GOLM2: variants seen among roughly 807,000 people sequenced by gnomAD.
GOLM2 encodes golgi membrane protein 2.
Under a neutral mutation model 55.9 loss-of-function variants are expected in GOLM2, and 26 were observed. The observed-to-expected ratio is 0.47, with a 90% CI of 0.34 to 0.65. The LOEUF (loss-of-function observed/expected upper bound fraction) is 0.65, where lower values mean the gene tolerates loss of function less well. Among genes scored for constraint, GOLM2 ranks in the 30% least tolerant of loss-of-function variants. GOLM2 has a pLI of 0.01. For synonymous variants in GOLM2, 165 were observed against 194.6 expected (o/e 0.85, Z 1.27); for missense variants, 486 against 531.8 (o/e 0.91, Z 0.85).
intron 6 of GOLM2, among the ~76,000 whole-genome samples, chr15:44,339,904 C>A (rs1188751929): frequency 6.6e-6 from 1 of 152,022 alleles, no homozygotes; most frequent in African/African-American, 2.4e-5. Context: ...ACTGCAGCCT[C>A]GATCTCCCGG....
chr15:44,350,094 A>G (rs1327250408), intron 6 of GOLM2, among the ~76,000 whole-genome samples: 1 of 152,200 alleles, frequency 6.6e-6, no homozygotes, highest in Non-Finnish European at 1.5e-5. Flanking sequence ...CTAGAAAAGC[A>G]AGAGTAAACC....
chr15:44,330,208 TAAAAA>T (rs746756627), intron 3 of GOLM2, among the ~76,000 whole-genome samples: 3 of 81,480 alleles, frequency 3.7e-5, no homozygotes, highest in South Asian at 8.7e-4. Context: ...CTTGTCTCTT[TAAAAA>T]AAAAAAAAAA....
intron 9 of GOLM2, among the ~76,000 whole-genome samples, chr15:44,405,666 G>T (rs1232556051): frequency 6.6e-6 from 1 of 151,918 alleles, no homozygotes; most frequent in Non-Finnish European, 1.5e-5. Context: ...TCTCACCCAG[G>T]CTAGAGTGCA....
At position 44,403,046 on chromosome 15, in the gene GOLM2, A is replaced by T; in HGVS notation, c.1232A>T (p.Asp411Val). The T allele has an allele frequency of 6.2e-7, 1 of 1,614,118 alleles. No homozygotes were observed. Among genetic ancestry groups the T allele is most frequent in the Non-Finnish European group, 8.5e-7 (1 of 1,180,014 alleles). ...GAAGATGGTGATGGTGGAGAGGAAG[A>T]CGTCCAAGGTGAGCGTGGGCCTGGC... ...EEEDGDGGEE[D>V]VQDDEERELQ... The change falls in exon 9 of 10, where the codon GAC becomes GTC. Residue 411 changes from aspartate to valine, a missense_variant. Asp to Val is a radical substitution (Grantham distance 152). Transcript: ENST00000299957.
At chr15:44,383,096 T>TA (rs1203342799) in intron 8 of GOLM2, among the ~76,000 whole-genome samples, 2 of 150,890 alleles carry the variant, frequency 1.3e-5, no homozygotes, top group Non-Finnish European at 3.0e-5. Flanking sequence ...TTTATTAATA[T>TA]ATACACATAT....
intron 6 of GOLM2, among the ~76,000 whole-genome samples, chr15:44,340,906 T>C (rs2079086438): frequency 6.6e-6 from 1 of 152,186 alleles, no homozygotes; most frequent in Non-Finnish European, 1.5e-5. Flanking sequence ...CCCAAAGTTT[T>C]GTCAAGGACA....
intron 3 of GOLM2, among the ~76,000 whole-genome samples, chr15:44,329,624 A>G (rs2079008181): frequency 6.6e-6 from 1 of 152,184 alleles, no homozygotes; most frequent in Admixed American, 6.5e-5. Flanking sequence ...AGGCTAGGTT[A>G]TGGTGGTTCA....
chr15:44,312,234 AG>A (rs1381186717), intron 1 of GOLM2, among the ~76,000 whole-genome samples: 2 of 152,172 alleles, frequency 1.3e-5, no homozygotes, highest in Non-Finnish European at 2.9e-5. Flanking sequence ...TCATATAACC[AG>A]ATTTGCAGGA....
chr15:44,349,243 G>A, intron 6 of GOLM2, among the ~76,000 whole-genome samples: 1 of 137,620 alleles, frequency 7.3e-6, no homozygotes, highest in Admixed American at 7.6e-5. Flanking sequence ...TGGGCAACAA[G>A]AGTGAAACTC....
At chr15:44,369,751 G>A (rs1484582141) in intron 6 of GOLM2, among the ~76,000 whole-genome samples, 1 of 149,580 alleles carries the variant, frequency 6.7e-6, no homozygotes, top group African/African-American at 2.5e-5. Flanking sequence ...AGTTTATTAA[G>A]TATTAATAAA....
At position 44,336,180 on chromosome 15, in the gene GOLM2, C is replaced by T. The variant is rs558533653; in HGVS notation, c.577-1583C>T. On this transcript the variant is annotated intron_variant, in intron 4 of 9. Transcript: ENST00000299957. ...TGCCCAGGCTGGAGTGCAGTGGTGC[C>T]ATCTTGGCTCACTGCAAGCTCCGCC... Among the ~76,000 whole-genome samples, 23 of 146,566 alleles carry T rather than the reference C, an allele frequency of 1.6e-4. No individual in the cohort carries two copies. The South Asian group carries it at 5.0e-3, about 32-fold the overall frequency.
intron 8 of GOLM2, among the ~76,000 whole-genome samples, chr15:44,391,642 G>T (rs914456089): frequency 2.0e-5 from 3 of 151,182 alleles, no homozygotes; most frequent in Admixed American, 2.0e-4. Flanking sequence ...TAATATTAAA[G>T]GACACATGAT....
rs572248999 is a variant in GOLM2 at position 44,380,636 on chromosome 15, A to G, written c.902-170A>G. On this transcript the variant is annotated intron_variant, in intron 7 of 9. Transcript: ENST00000299957. Reference sequence around the variant, plus strand: ...CAGCTAAAATCACATTGGTTATAATACTTGATTAAAGAAATGAGAATAAAC... The same window carrying G: ...CAGCTAAAATCACATTGGTTATAATGCTTGATTAAAGAAATGAGAATAAAC... Among the ~76,000 whole-genome samples the G allele has an allele frequency of 2.9e-3, 444 of 151,918 alleles. 2 individuals carry two copies. The highest frequency in any genetic ancestry group is 0.01 in the Middle Eastern group (3 of 294).
At chr15:44,384,360 CT>C (rs1482807186) in intron 8 of GOLM2, among the ~76,000 whole-genome samples, 1 of 152,122 alleles carries the variant, frequency 6.6e-6, no homozygotes, top group Non-Finnish European at 1.5e-5. Context: ...TGCCTGTAAT[CT>C]CAGTACTTTG....
At chr15:44,336,401 G>A (rs1450691196) in intron 4 of GOLM2, among the ~76,000 whole-genome samples, 9 of 148,800 alleles carry the variant, frequency 6.0e-5, no homozygotes, top group East Asian at 4.1e-4. Context: ...ACAGGCATGA[G>A]CCGCCGTGCC....
At chr15:44,392,772 A>G (rs1323283658) in intron 8 of GOLM2, among the ~76,000 whole-genome samples, 1 of 152,238 alleles carries the variant, frequency 6.6e-6, no homozygotes, top group African/African-American at 2.4e-5. Flanking sequence ...TACCACATTA[A>G]CAAAATATAT....
intron 2 of GOLM2, among the ~76,000 whole-genome samples, chr15:44,325,799 G>A (rs535150100): frequency 1.3e-5 from 2 of 152,220 alleles, no homozygotes; most frequent in South Asian, 4.1e-4. Flanking sequence ...CATAGCTGGG[G>A]CCAGGGTTTC....
chr15:44,375,860 C>T (rs556991475), intron 6 of GOLM2, among the ~76,000 whole-genome samples: 29 of 152,266 alleles, frequency 1.9e-4, no homozygotes, highest in Admixed American at 1.4e-3. Flanking sequence ...AGGGAGGGTT[C>T]ATTAAATTTG....
At chr15:44,366,646 T>A in intron 6 of GOLM2, among the ~76,000 whole-genome samples, 1 of 151,872 alleles carries the variant, frequency 6.6e-6, no homozygotes. Flanking sequence ...AAATAAAAAT[T>A]AAAATTAAAG....
Sources: allele counts gnomAD v4.1 joint callset (sites outside exome capture counted in the v4.1 genomes callset), GRCh38; gene constraint gnomAD v4.1.1; transcripts MANE v1.5; gene names NCBI Gene and HGNC (gene_info 2026-07-23, HGNC 2026-07-21).